The following PRKCE variants were observed in gnomAD, a reference collection of about 807,000 sequenced individuals.
The protein encoded by PRKCE is protein kinase C epsilon type.
PRKCE carries 16 observed loss-of-function variants against 85.4 expected under a neutral mutation model. The observed-to-expected ratio is 0.19, with a 90% CI of 0.13 to 0.28. The LOEUF (loss-of-function observed/expected upper bound fraction) is 0.28, where lower values mean the gene tolerates loss of function less well. PRKCE is among the 10% of genes least tolerant of loss of function. The pLI, the probability that PRKCE is intolerant of heterozygous loss-of-function variation, is 1.00. For missense variants in PRKCE, 573 were observed against 975.2 expected (o/e 0.59, Z 5.49); for synonymous variants, 388 against 371.5 (o/e 1.04, Z -0.51).
At chr2:45,851,205 G>C (rs74568497) in intron 2 of PRKCE, among the ~76,000 whole-genome samples, 1 of 152,190 alleles carries the variant, frequency 6.6e-6, no homozygotes, top group Non-Finnish European at 1.5e-5. Flanking sequence ...ATAGTGCCAC[G>C]GCCCACTGAA....
At chr2:46,160,510 A>G (rs1677648730) in intron 14 of PRKCE, among the ~76,000 whole-genome samples, 1 of 152,244 alleles carries the variant, frequency 6.6e-6, no homozygotes, top group African/African-American at 2.4e-5. Flanking sequence ...GTTGTGTTGT[A>G]GCCCGTTGAA....
intron 1 of PRKCE, among the ~76,000 whole-genome samples, chr2:45,828,700 T>C (rs913197494): frequency 6.6e-6 from 1 of 152,206 alleles, no homozygotes; most frequent in African/African-American, 2.4e-5. Context: ...TTGTTTAACC[T>C]CATTATGCCT....
At chr2:45,695,376 C>T (rs1489650380) in intron 1 of PRKCE, among the ~76,000 whole-genome samples, 1 of 152,170 alleles carries the variant, frequency 6.6e-6, no homozygotes, top group African/African-American at 2.4e-5. Flanking sequence ...CTTTCCTTTT[C>T]TGCAGGGAGA....
At position 45,652,002 on chromosome 2, in the gene PRKCE, C is replaced by T; in HGVS notation, c.-99C>T. The T allele has an allele frequency of 1.0e-6, 1 of 966,168 alleles. No individual in the cohort carries two copies. Among genetic ancestry groups the T allele is most frequent in the Non-Finnish European group, 1.6e-6 (1 of 638,352 alleles). 59.8% of individuals were successfully genotyped at this position (966,168 alleles called of 1,614,324 possible). ...GTGTGCGGGGTGGGGCGAAAGGGGA[C>T]CCAAGAGTCCCTGTGGCTCGGAGTG... On this transcript the variant is annotated 5_prime_UTR_variant, in exon 1 of 15. Transcript: ENST00000306156. This position sits in a 1 kb window ranked among gnomAD's most constrained non-coding sequence, Gnocchi z 7.7.
intron 1 of PRKCE, among the ~76,000 whole-genome samples, chr2:45,711,138 CACTT>C (rs1182866736): frequency 6.6e-6 from 1 of 152,242 alleles, no homozygotes; most frequent in African/African-American, 2.4e-5. Flanking sequence ...GCAACTCAAC[CACTT>C]ACTTACTCTA....
chr2:45,670,028 A>T (rs187936937), intron 1 of PRKCE, among the ~76,000 whole-genome samples: 6 of 152,244 alleles, frequency 3.9e-5, no homozygotes, highest in Middle Eastern at 3.4e-3. Flanking sequence ...AATAAAATAA[A>T]ATTTATATAA....
intron 11 of PRKCE, among the ~76,000 whole-genome samples, chr2:46,111,595 A>G (rs534401763): frequency 2.0e-5 from 3 of 152,170 alleles, no homozygotes; most frequent in African/African-American, 7.2e-5. Context: ...CACACAATAC[A>G]TGGTTATTTG....
intron 2 of PRKCE, among the ~76,000 whole-genome samples, chr2:45,847,084 A>T (rs1691855221): frequency 6.6e-6 from 1 of 152,204 alleles, no homozygotes; most frequent in Non-Finnish European, 1.5e-5. Flanking sequence ...TCTGGCAGGG[A>T]CTGTGCGATT....
intron 1 of PRKCE, among the ~76,000 whole-genome samples, chr2:45,802,097 A>C (rs922801500): frequency 1.3e-5 from 2 of 151,668 alleles, no homozygotes; most frequent in African/African-American, 4.8e-5. Context: ...AAAAAAAAAA[A>C]AAAAAACACC....
intron 6 of PRKCE, among the ~76,000 whole-genome samples, chr2:45,986,132 T>C (rs58070493): frequency 0.017 from 2,651 of 152,316 alleles, 67 homozygotes; most frequent in East Asian, 0.086. Flanking sequence ...AAAGAGTAGA[T>C]AATTTTTAAC....
intron 1 of PRKCE, among the ~76,000 whole-genome samples, chr2:45,796,777 C>T (rs12472172): frequency 0.51 from 77,615 of 151,952 alleles, 20,025 homozygotes; most frequent in Middle Eastern, 0.6. Flanking sequence ...TCACAGGTCA[C>T]GAGGTTTTAC....
intron 1 of PRKCE, among the ~76,000 whole-genome samples, chr2:45,692,028 A>AT (rs1325555498): frequency 6.6e-6 from 1 of 152,138 alleles, no homozygotes; most frequent in African/African-American, 2.4e-5. Flanking sequence ...TTCAGAGGTT[A>AT]TTTTTTTAAA....
At chr2:45,735,853 G>T (rs1001088091) in intron 1 of PRKCE, among the ~76,000 whole-genome samples, 14 of 152,222 alleles carry the variant, frequency 9.2e-5, no homozygotes, top group Admixed American at 3.9e-4. Flanking sequence ...AGTTGCGGAG[G>T]GTTGTGGAGA....
At chr2:45,945,380 C>G (rs111245618) in intron 2 of PRKCE, among the ~76,000 whole-genome samples, 127 of 151,442 alleles carry the variant, frequency 8.4e-4, no homozygotes, top group Non-Finnish European at 1.4e-3. Flanking sequence ...GGGGAGGTGT[C>G]ATACTCTGTC....
chr2:46,022,357 C>T (rs867268372), intron 10 of PRKCE, among the ~76,000 whole-genome samples: 3 of 152,186 alleles, frequency 2.0e-5, no homozygotes, highest in Admixed American at 6.5e-5. Flanking sequence ...TTGGGAAATA[C>T]GCATGGTATC....
intron 11 of PRKCE, among the ~76,000 whole-genome samples, chr2:46,099,813 C>T (rs1033319007): frequency 2.4e-4 from 37 of 152,064 alleles, no homozygotes; most frequent in African/African-American, 8.7e-4. Context: ...TATTTGGCTG[C>T]AGGATATATT....
intron 6 of PRKCE, among the ~76,000 whole-genome samples, chr2:45,997,275 T>C (rs750977470): frequency 4.6e-5 from 7 of 152,088 alleles, no homozygotes; most frequent in Non-Finnish European, 8.8e-5. Context: ...CTTTTTGTTG[T>C]TGGTTTTTCT....
intron 2 of PRKCE, among the ~76,000 whole-genome samples, chr2:45,864,991 T>G (rs1693469753): frequency 6.6e-6 from 1 of 152,204 alleles, no homozygotes; most frequent in Non-Finnish European, 1.5e-5. Context: ...TCCTAAGTTC[T>G]CAGGTAACCT....
intron 2 of PRKCE, among the ~76,000 whole-genome samples, chr2:45,913,943 C>T (rs192723630): frequency 2.0e-5 from 3 of 148,716 alleles, no homozygotes; most frequent in Admixed American, 1.3e-4. Context: ...GAATTTGTAC[C>T]CTCCTTTCTT....
Sources: gnomAD v4.1 joint callset for allele counts (sites outside exome capture counted in the v4.1 genomes callset) on GRCh38, gnomAD v4.1.1 for gene constraint, Gnocchi (gnomAD v3.1) non-coding constraint, MANE v1.5 for transcripts, NCBI Gene and HGNC (gene_info 2026-07-23, HGNC 2026-07-21) for gene names.